Variants in GALK2 observed in about 807,000 individuals in gnomAD.
GALK2 encodes N-acetylgalactosamine kinase.
A neutral mutation model predicts 52.4 loss-of-function variants in GALK2; 36 were observed. That is an observed-to-expected ratio of 0.69 (90% CI 0.53 to 0.91). The LOEUF is 0.91. GALK2 is among the 40% of genes least tolerant of loss of function. The pLI is 0.00. For synonymous variants in GALK2, 176 were observed against 199.1 expected (o/e 0.88, Z 0.98); for missense variants, 579 against 559.1 (o/e 1.04, Z -0.36).
intron 5 of GALK2, among the ~76,000 whole-genome samples, chr15:49,264,189 CA>C (rs1279892867): frequency 1.3e-5 from 2 of 151,770 alleles, no homozygotes; most frequent in African/African-American, 2.4e-5. Context: ...CCATTCTCCC[CA>C]TCACTTTCAG....
chr15:49,237,049 G>A (rs1039659588), intron 4 of GALK2, among the ~76,000 whole-genome samples: 1 of 152,180 alleles, frequency 6.6e-6, no homozygotes, highest in African/African-American at 2.4e-5. Flanking sequence ...ATATGCATTA[G>A]TGGGAATTAC....
intron 1 of GALK2, among the ~76,000 whole-genome samples, chr15:49,198,447 A>G (rs890857296): frequency 6.6e-6 from 1 of 152,166 alleles, no homozygotes; most frequent in African/African-American, 2.4e-5. Context: ...TATGGGATAC[A>G]TGTTTCTATC....
intron 8 of GALK2, among the ~76,000 whole-genome samples, chr15:49,294,310 T>G (rs967359421): frequency 1.3e-5 from 2 of 152,010 alleles, no homozygotes; most frequent in Non-Finnish European, 2.9e-5. Context: ...AAACAGTAGA[T>G]ACAGAGGCAG....
At chr15:49,350,730 A>AGG (rs1327149161) in intron 3 of GALK2, among the ~76,000 whole-genome samples, 2 of 152,148 alleles carry the variant, frequency 1.3e-5, no homozygotes, top group Non-Finnish European at 2.9e-5. Context: ...TATAATCCCT[A>AGG]ACACACAGGA....
At chr15:49,174,432 A>G (rs2085306510) in intron 1 of GALK2, among the ~76,000 whole-genome samples, 1 of 152,026 alleles carries the variant, frequency 6.6e-6, no homozygotes, top group Admixed American at 6.6e-5. Context: ...CACAACCACC[A>G]CTTGCCGGGT....
chr15:49,364,687 G>T (rs2044818690), intron 3 of GALK2, among the ~76,000 whole-genome samples: 1 of 152,034 alleles, frequency 6.6e-6, no homozygotes, highest in Non-Finnish European at 1.5e-5. Context: ...CCGTTGAACT[G>T]CCTTCTTGCA....
In GALK2 at chr15:49,250,601, A is replaced by G. The variant is rs958684253; in HGVS notation, c.504+11234A>G. 1.2e-4 allele frequency among the ~76,000 whole-genome samples: 18 copies of G among 152,266 alleles called. 1 individual carries two copies. The South Asian group carries it at 3.7e-3, about 32-fold the overall frequency. ...TTCCAGCTCACATATTTTTGATCCA[A>G]AATGGATACTTTTCTATTCAGCCAT... On this transcript the variant is annotated intron_variant, in intron 5 of 9. Coordinates refer to ENST00000560031, the MANE Select transcript of GALK2 (RefSeq NM_002044.4).
chr15:49,292,303 C>G, intron 7 of GALK2, 24 bp from the exon 8 acceptor site: 1 of 1,594,052 alleles, frequency 6.3e-7, no homozygotes, highest in Non-Finnish European at 8.6e-7. Context: ...CAAAACTGAC[C>G]ATTATCTTGA....
At chr15:49,313,751 C>T (rs2036182806) in intron 8 of GALK2, among the ~76,000 whole-genome samples, 1 of 152,184 alleles carries the variant, frequency 6.6e-6, no homozygotes, top group Non-Finnish European at 1.5e-5. Context: ...TGCTAGATGA[C>T]TATCATACTC....
chr15:49,297,101 T>C (rs1248057162), intron 8 of GALK2, among the ~76,000 whole-genome samples: 1 of 152,216 alleles, frequency 6.6e-6, no homozygotes, highest in Non-Finnish European at 1.5e-5. Flanking sequence ...TCTGTTGTTT[T>C]ATGACTTTTT....
intron 2 of GALK2, among the ~76,000 whole-genome samples, chr15:49,216,592 G>T (rs1056229740): frequency 1.6e-4 from 24 of 152,232 alleles, no homozygotes; most frequent in African/African-American, 5.5e-4. Context: ...GAGGACTGCA[G>T]TACTTGTGGC....
chr15:49,268,615 G>A (rs1323807921), intron 5 of GALK2, among the ~76,000 whole-genome samples: 2 of 152,196 alleles, frequency 1.3e-5, no homozygotes, highest in African/African-American at 4.8e-5. Context: ...CAGTAGCAGG[G>A]AGCCCATTAT....
chr15:49,365,900 T>G, intron 3 of GALK2: 4 of 966,860 alleles, frequency 4.1e-6, no homozygotes, highest in Non-Finnish European at 6.8e-6. Context: ...GCAAGAGAGT[T>G]GTACAGACTC....
chr15:49,183,208 C>T (rs572685624), intron 1 of GALK2, among the ~76,000 whole-genome samples: 10 of 152,038 alleles, frequency 6.6e-5, no homozygotes, highest in South Asian at 4.1e-4. Flanking sequence ...ATACTAATTT[C>T]GGGTTTGGCT....
chr15:49,179,282 G>A lies in GALK2; in HGVS notation c.53+8907G>A, dbSNP rs2085766692. Among the ~76,000 whole-genome samples the A allele has an allele frequency of 2.0e-5, 3 of 152,210 alleles. No homozygotes were observed. In the South Asian group the frequency reaches 6.2e-4, roughly 32 times the overall value. On this transcript the variant is annotated intron_variant, in intron 1 of 9. Coordinates refer to ENST00000560031, the MANE Select transcript of GALK2 (RefSeq NM_002044.4). Reference sequence around the variant, plus strand: ...ACCTTTGCAGTGAGTTCTAGTATTAGCCTCAGTTTGTAGATGAGGAAAATT... The same window carrying A: ...ACCTTTGCAGTGAGTTCTAGTATTAACCTCAGTTTGTAGATGAGGAAAATT...
intron 3 of GALK2, among the ~76,000 whole-genome samples, chr15:49,221,062 T>A (rs564599470): frequency 6.6e-6 from 1 of 152,344 alleles, no homozygotes; most frequent in Non-Finnish European, 1.5e-5. Context: ...TTGCTTCCTA[T>A]GTGGGCAGAA....
At chr15:49,251,624 T>A (rs1347047490) in intron 5 of GALK2, among the ~76,000 whole-genome samples, 2 of 152,182 alleles carry the variant, frequency 1.3e-5, no homozygotes, top group Non-Finnish European at 2.9e-5. Context: ...TCCAGCTTGT[T>A]TGACTGAAGC....
chr15:49,165,959 C>T (rs538278745), upstream of GALK2, among the ~76,000 whole-genome samples: 4 of 151,936 alleles, frequency 2.6e-5, no homozygotes, highest in Non-Finnish European at 4.4e-5. Context: ...CCCACCACCA[C>T]GCCCAGCTAA....
rs117036932 is a variant in GALK2 at position 49,326,770 on chromosome 15, T to C, written c.1170-1182T>C. ...TTTTTTTCTTTCTTAAATACCTATG[T>C]TCATTTGAAAAGCGTATTTTAATAT... On this transcript the variant is annotated intron_variant, in intron 9 of 9. Transcript: ENST00000560031. Among the ~76,000 whole-genome samples the C allele has an allele frequency of 8.3e-3, 1,261 of 152,254 alleles. 8 individuals carry two copies. Among genetic ancestry groups the C allele is most frequent in the Non-Finnish European group, 0.015 (1,012 of 68,020 alleles).
Sources: gnomAD v4.1 joint callset for allele counts (sites outside exome capture counted in the v4.1 genomes callset) on GRCh38, gnomAD v4.1.1 for gene constraint, MANE v1.5 for transcripts, NCBI Gene and HGNC (gene_info 2026-07-23, HGNC 2026-07-21) for gene names.